DHX35: variants seen among roughly 807,000 people sequenced by gnomAD.
DHX35 encodes DEAH-box helicase 35, also known as probable ATP-dependent RNA helicase DHX35.
A neutral mutation model predicts 99.6 loss-of-function variants in DHX35; 84 were observed. That is an observed-to-expected ratio of 0.84 (90% CI 0.71 to 1.01). DHX35 has a LOEUF of 1.01. Ranked by LOEUF, DHX35 falls within the 50% of genes least tolerant of loss-of-function variation. The pLI is 0.00. For missense variants in DHX35, 852 were observed against 888.5 expected, an observed-to-expected ratio of 0.96 and a Z score of 0.52; for synonymous variants, 331 against 316.2, an observed-to-expected ratio of 1.05 and a Z score of -0.50.
At chr20:39,027,078 C>G (rs148758671) in intron 18 of DHX35, among the ~76,000 whole-genome samples, 5 of 152,304 alleles carry the variant, frequency 3.3e-5, no homozygotes, top group African/African-American at 1.2e-4. Flanking sequence ...CTCCCCTCCC[C>G]CTGCCTCCAA....
At chr20:39,031,562 C>G (rs1405590996) in intron 20 of DHX35, among the ~76,000 whole-genome samples, 1 of 152,148 alleles carries the variant, frequency 6.6e-6, no homozygotes, top group African/African-American at 2.4e-5. Flanking sequence ...GTCTCCAACT[C>G]CTGACCTCAG....
chr20:38,973,008 G>A (rs1272734799), intron 3 of DHX35, among the ~76,000 whole-genome samples: 2 of 152,192 alleles, frequency 1.3e-5, no homozygotes, highest in Non-Finnish European at 2.9e-5. Flanking sequence ...AAAATTGGCT[G>A]TTATAGTATT....
chr20:39,004,612 A>G (rs911606510), intron 11 of DHX35, among the ~76,000 whole-genome samples: 1 of 152,242 alleles, frequency 6.6e-6, no homozygotes, highest in African/African-American at 2.4e-5. Context: ...GTTTAAATCA[A>G]TTAATTCAAG....
At chr20:38,974,124 T>C (rs1475680880) in intron 3 of DHX35, among the ~76,000 whole-genome samples, 1 of 152,150 alleles carries the variant, frequency 6.6e-6, no homozygotes, top group Admixed American at 6.5e-5. Context: ...ATATTCAAAG[T>C]GGTTGTGTCC....
intron 13 of DHX35, 37 bp downstream of exon 13, chr20:39,010,441 T>C: frequency 6.2e-7 from 1 of 1,609,854 alleles, no homozygotes; most frequent in African/African-American, 1.3e-5. Context: ...ATAGGGAGGC[T>C]AGGGAGCTCA....
intron 16 of DHX35, 147 bp from the exon 17 acceptor site, chr20:39,023,543 G>T: frequency 1.6e-6 from 1 of 632,818 alleles, no homozygotes; most frequent in Non-Finnish European, 2.8e-6. Flanking sequence ...TGTAGACATG[G>T]GGTTTACCTA....
intron 20 of DHX35, among the ~76,000 whole-genome samples, chr20:39,033,046 G>T (rs1379874293): frequency 6.6e-6 from 1 of 152,038 alleles, no homozygotes; most frequent in Non-Finnish European, 1.5e-5. Context: ...TTCAATACCA[G>T]CCTGGGTGCC....
intron 14 of DHX35, among the ~76,000 whole-genome samples, chr20:39,016,034 G>C (rs2086780517): frequency 6.6e-6 from 1 of 152,286 alleles, no homozygotes. Flanking sequence ...GCCAGAGGCT[G>C]GGTAATTTCT....
chr20:38,981,711 A>G (rs557420901), intron 3 of DHX35, among the ~76,000 whole-genome samples: 17 of 152,006 alleles, frequency 1.1e-4, no homozygotes, highest in African/African-American at 3.9e-4. Flanking sequence ...GGGCGGCCAA[A>G]GTGGGTGGAT....
chr20:39,002,625 A>C, intron 9 of DHX35, 147 bp from the exon 10 acceptor site: 4 of 579,988 alleles, frequency 6.9e-6, no homozygotes, highest in Non-Finnish European at 1.2e-5. Flanking sequence ...GAAAAAAATG[A>C]ATATTTATTT....
intron 6 of DHX35, 59 bp from the exon 7 acceptor site, chr20:38,992,297 A>G: frequency 1.4e-6 from 2 of 1,417,430 alleles, no homozygotes; most frequent in South Asian, 1.1e-5. Context: ...TTGATGGTCT[A>G]GATGAGATGA....
chr20:38,999,404 G>A (rs996567991), intron 8 of DHX35, among the ~76,000 whole-genome samples: 6 of 151,978 alleles, frequency 3.9e-5, no homozygotes, highest in Non-Finnish European at 7.4e-5. Context: ...CTGAGCCTTC[G>A]TGCTTGTGGC....
intron 3 of DHX35, chr20:38,978,099 T>C: frequency 1.3e-6 from 1 of 765,148 alleles, no homozygotes; most frequent in Non-Finnish European, 2.4e-6. Context: ...TAATATGCAC[T>C]GGCCCTGAGC....
chr20:39,003,063 C>G (rs982037484), intron 10 of DHX35, among the ~76,000 whole-genome samples, 195 bp downstream of exon 10: 2 of 152,206 alleles, frequency 1.3e-5, no homozygotes, highest in Non-Finnish European at 2.9e-5. Flanking sequence ...CCTGCCTGTT[C>G]TGTCTGCAGA....
chr20:39,009,297 C>A (rs1324052523), intron 12 of DHX35, among the ~76,000 whole-genome samples: 1 of 152,208 alleles, frequency 6.6e-6, no homozygotes, highest in African/African-American at 2.4e-5. Flanking sequence ...TCATCCAGAA[C>A]CTTCTAGTTA....
chr20:39,032,200 T>G (rs2087065616), intron 20 of DHX35, among the ~76,000 whole-genome samples: 1 of 152,248 alleles, frequency 6.6e-6, no homozygotes, highest in South Asian at 2.1e-4. Flanking sequence ...CTCTGTGTTT[T>G]TGAGACAGTG....
At chr20:38,980,512 T>TG (rs11403341) in intron 3 of DHX35, among the ~76,000 whole-genome samples, 45 of 60,046 alleles carry the variant, frequency 7.5e-4, no homozygotes, top group African/African-American at 2.8e-3. Flanking sequence ...TATAGTTCTG[T>TG]TTTTTTTTTT....
chr20:39,004,703 G>A (rs191510893), intron 11 of DHX35, among the ~76,000 whole-genome samples: 2 of 152,354 alleles, frequency 1.3e-5, no homozygotes, highest in Admixed American at 1.3e-4. Context: ...GAGCTGGCAG[G>A]CAGCCAGTCC....
intron 16 of DHX35, among the ~76,000 whole-genome samples, chr20:39,022,590 C>G (rs2086892086): frequency 6.6e-6 from 1 of 152,224 alleles, no homozygotes; most frequent in South Asian, 2.1e-4. Flanking sequence ...CTTCTAGTTT[C>G]TGTCAGGGAA....
Sources: gnomAD v4.1 joint callset for allele counts (sites outside exome capture counted in the v4.1 genomes callset) on GRCh38, gnomAD v4.1.1 for gene constraint, MANE v1.5 for transcripts, NCBI Gene and HGNC (gene_info 2026-07-23, HGNC 2026-07-21) for gene names.